Variants in ADAMTS13 observed in about 807,000 individuals in gnomAD.
The protein encoded by ADAMTS13 is A disintegrin and metalloproteinase with thrombospondin motifs 13.
A neutral mutation model predicts 155.1 loss-of-function variants in ADAMTS13; 110 were observed. The observed-to-expected ratio is 0.71, with a 90% CI of 0.61 to 0.83. The LOEUF (loss-of-function observed/expected upper bound fraction) is 0.83. Among genes scored for constraint, ADAMTS13 ranks in the 40% least tolerant of loss-of-function variants. ADAMTS13 has a pLI of 0.00. For missense variants in ADAMTS13, 1,707 were observed against 1,891.7 expected, an observed-to-expected ratio of 0.90 and a Z score of 1.81; for synonymous variants, 758 against 756.4, an observed-to-expected ratio of 1.00 and a Z score of -0.03.
chr9:133,433,788 C>A, intron 11 of ADAMTS13, 84 bp downstream of exon 11: 1 of 1,515,396 alleles, frequency 6.6e-7, no homozygotes, highest in South Asian at 1.1e-5. Flanking sequence ...TGGTTCACAC[C>A]AGGACACATT....
At chr9:133,452,649 A>G (rs947949822) in intron 23 of ADAMTS13, among the ~76,000 whole-genome samples, 1 of 152,062 alleles carries the variant, frequency 6.6e-6, no homozygotes, top group African/African-American at 2.4e-5. Context: ...CCTGTTCTCT[A>G]CAGACCACCT....
At chr9:133,454,691 G>A in intron 24 of ADAMTS13, 72 bp downstream of exon 24, 1 of 1,499,820 alleles carries the variant, frequency 6.7e-7, no homozygotes, top group South Asian at 1.2e-5. Flanking sequence ...CATGTGTGAG[G>A]GAGTCTAGGA....
rs1841339737 is a variant in ADAMTS13, at chr9:133,437,682, G to A, written c.1436-67G>A. 3.1e-6 allele frequency: 5 copies of A among 1,598,900 alleles called. No homozygotes were observed. In the Admixed American group the frequency reaches 5.0e-5, roughly 16 times the overall value. On this transcript the variant is annotated intron_variant, in intron 12 of 28. Transcript: ENST00000355699. ...GCCCCAGATGCAAAGGATGAAGCTG[G>A]GTGGGGGCTGGGGGACTTGCCCCTC... is the stretch of plus-strand genomic sequence containing the variant.
chr9:133,417,402 G>T (rs587623131), upstream of ADAMTS13, among the ~76,000 whole-genome samples: 2 of 152,252 alleles, frequency 1.3e-5, no homozygotes, highest in African/African-American at 4.8e-5. Flanking sequence ...GTTTATCTTT[G>T]CTTTTTTGTA....
chr9:133,443,889 T>C (rs1170246969), intron 19 of ADAMTS13, among the ~76,000 whole-genome samples: 1 of 151,922 alleles, frequency 6.6e-6, no homozygotes, highest in Non-Finnish European at 1.5e-5. Context: ...ATCACCACCA[T>C]CTCCCCCGTG....
Position 133,455,348 on chromosome 9 carries a change from C to T in ADAMTS13, c.3313C>T (p.Gln1105Ter). The change falls in exon 25 of 29, where the codon CAG becomes TAG. Residue 1105 changes from glutamine (Q) to a stop codon, truncating the protein, a stop_gained. Transcript: ENST00000355699. LOFTEE classifies it high-confidence loss of function. Reference protein sequence around the residue: ...RRDTCLGPQAQAPVPADFCQH... With the variant: ...RRDTCLGPQA ...TGACACCTGCCTCGGACCCCAGGCC[C>T]AGGCGCCTGTGCCAGCTGATTTCTG... The T allele has an allele frequency of 6.2e-7, 1 of 1,610,814 alleles. No individual in the cohort carries two copies. The highest frequency in any genetic ancestry group is 8.5e-7 in the Non-Finnish European group (1 of 1,179,980).
chr9:133,428,781 G>A lies in ADAMTS13; in HGVS notation c.824+10G>A. On this transcript the variant is annotated intron_variant, in intron 7 of 28. Transcript: ENST00000355699. Reference sequence around the variant, plus strand: ...TGCTGAGCCTGCTCAGGTAGCGGCCGCCCCGTGGGAGGGGCGCGCGAGCCT... The same window carrying A: ...TGCTGAGCCTGCTCAGGTAGCGGCCACCCCGTGGGAGGGGCGCGCGAGCCT... 4.6e-6 allele frequency: 6 copies of A among 1,312,832 alleles called. No individual in the cohort carries two copies. The highest frequency in any genetic ancestry group is 5.8e-6 in the Non-Finnish European group (6 of 1,028,854). 81.3% of individuals were successfully genotyped at this position (1,312,832 alleles called of 1,614,324 possible). A position where few individuals can be genotyped will look rare whatever the true frequency, so the allele number is the denominator to read the frequency against.
intron 27 of ADAMTS13, chr9:133,457,071 C>T: frequency 2.5e-6 from 1 of 407,590 alleles, no homozygotes; most frequent in South Asian, 2.0e-5. Flanking sequence ...GCCACTGTCC[C>T]TCAGCCCTGT....
At position 133,455,436 on chromosome 9, in the gene ADAMTS13, G is replaced by T. The variant is rs1842681076; in HGVS notation, c.3400+1G>T. On this transcript the variant is annotated splice_donor_variant, in intron 25 of 28. Coordinates refer to ENST00000355699, the MANE Select transcript of ADAMTS13 (RefSeq NM_139027.6). LOFTEE classifies it high-confidence loss of function. Reference sequence around the variant, plus strand: ...TGGGCTGGGCCCTGTGTGGGACAGGGTACGCCCAGCCTGGTGCCCCACGAA... The same window carrying T: ...TGGGCTGGGCCCTGTGTGGGACAGGTTACGCCCAGCCTGGTGCCCCACGAA... 1 of 1,612,440 alleles carries T rather than the reference G, an allele frequency of 6.2e-7. No individual in the cohort carries two copies.
intron 19 of ADAMTS13, among the ~76,000 whole-genome samples, 196 bp downstream of exon 19, chr9:133,443,757 C>T (rs1554791689): frequency 1.3e-5 from 2 of 152,148 alleles, no homozygotes; most frequent in Non-Finnish European, 1.5e-5. Flanking sequence ...AGAGCCTGGG[C>T]CCATTGTTTC....
rs1840156735 is a variant in ADAMTS13, at chr9:133,424,541, G to A, written c.330+63G>A. 10 of 1,567,966 alleles carry A rather than the reference G, an allele frequency of 6.4e-6. No homozygotes were observed. The highest frequency in any genetic ancestry group is 1.9e-5 in the Admixed American group (1 of 52,402). On this transcript the variant is annotated intron_variant, in intron 3 of 28. Coordinates refer to ENST00000355699, the MANE Select transcript of ADAMTS13 (RefSeq NM_139027.6). The surrounding 1 kb of genome is among the most constrained non-coding windows in gnomAD (Gnocchi z 4.3). ...CCAGGGCTGGTGACCAATGTCTGTGGGCTGGTGTATCTGGTAGTCTGAATA... is the reference window on the plus strand; with the variant it reads ...CCAGGGCTGGTGACCAATGTCTGTGAGCTGGTGTATCTGGTAGTCTGAATA...
rs1554796681 is a variant in ADAMTS13, at chr9:133,458,064, G to C, written c.3879G>C (p.Gly1293=). Residue 1293 remains glycine, a synonymous_variant, in exon 28 of 29, where the codon GGG becomes GGC. Transcript: ENST00000355699. ...CCCTGGCCACCAACATGGGCGCTGG[G>C]ACCGAGGGAGCCAATGCCAGCTACA... ...IHALATNMGA[G]TEGANASYIL... 23 of 1,613,298 alleles carry C rather than the reference G, an allele frequency of 1.4e-5. No individual in the cohort carries two copies. Among genetic ancestry groups the C allele is most frequent in the Non-Finnish European group, 1.9e-5 (23 of 1,180,040 alleles).
At position 133,445,142 on chromosome 9, in the gene ADAMTS13, G is replaced by A; in HGVS notation, c.2610+90G>A. ...GAGCACCCATTGCCACCGTCCTCCA[G>A]GCCAGAGCAAGAACACCATCCTTCT... On this transcript the variant is annotated intron_variant, in intron 20 of 28. Coordinates refer to ENST00000355699, the MANE Select transcript of ADAMTS13 (RefSeq NM_139027.6). This position sits in a 1 kb window ranked among gnomAD's most constrained non-coding sequence, Gnocchi z 5.0. 1 of 1,415,584 alleles carries A rather than the reference G, an allele frequency of 7.1e-7. No homozygotes were observed. 87.7% of individuals were successfully genotyped at this position (1,415,584 alleles called of 1,614,324 possible).
At position 133,425,956 on chromosome 9, in the gene ADAMTS13, G is replaced by A; in HGVS notation, c.433G>A (p.Ala145Thr). ...TEPEGAPNIT[A>T]NLTSSLLSVC... ...TCCGCAGGGTGCTCCAAATATCACA[G>A]CCAACCTCACCTCGTCCCTGCTGAG... is the stretch of plus-strand genomic sequence containing the variant. Residue 145 changes from alanine (A) to threonine (T), a missense_variant, in exon 5 of 29, where the codon GCC (alanine) becomes ACC (threonine). Physicochemically the swap from Ala to Thr is moderately conservative, Grantham distance 58 (BLOSUM62 0). Around this residue, in one of 3 missense-constraint regions of ADAMTS13, gnomAD observed 733 missense variants for 749.6 expected, o/e 0.98. Coordinates refer to ENST00000355699, the MANE Select transcript of ADAMTS13 (RefSeq NM_139027.6). This position sits in a 1 kb window ranked among gnomAD's most constrained non-coding sequence, Gnocchi z 4.6. 2 of 1,613,722 alleles carry A rather than the reference G, an allele frequency of 1.2e-6. No homozygotes were observed. The highest frequency in any genetic ancestry group is 1.1e-5 in the South Asian group (1 of 91,084).
In ADAMTS13 at chr9:133,422,433, C is replaced by T. The variant is rs782244801; in HGVS notation, c.-11C>T. On this transcript the variant is annotated 5_prime_UTR_variant, in exon 1 of 29. Transcript: ENST00000355699. ...CACTCCGCTCCACTCCTCGGGCTGG[C>T]TCTCCTGAGGATGCACCAGCGTCAC... 3 of 1,612,232 alleles carry T rather than the reference C, an allele frequency of 1.9e-6. No homozygotes were observed. Among genetic ancestry groups the T allele is most frequent in the Non-Finnish European group, 1.7e-6 (2 of 1,179,406 alleles).
chr9:133,456,397 G>T lies in ADAMTS13; in HGVS notation c.3548-146G>T. The T allele has an allele frequency of 1.5e-6, 2 of 1,371,108 alleles. No homozygotes were observed. The highest frequency in any genetic ancestry group is 2.6e-5 in the South Asian group (2 of 78,338). The allele number at this position is 1,371,108 out of a possible 1,614,324, so 84.9% of individuals were successfully genotyped here. On this transcript the variant is annotated intron_variant, in intron 26 of 28. Transcript: ENST00000355699. The surrounding 1 kb of genome is among the most constrained non-coding windows in gnomAD (Gnocchi z 4.4). ...AGATGAGGAAACTGAGGCTAGGAGA[G>T]ATTAAGTGATGTGCCCAGTTACTTA...
chr9:133,455,894 G>T (rs1842712765), intron 25 of ADAMTS13, 175 bp from the exon 26 acceptor site: 3 of 860,290 alleles, frequency 3.5e-6, no homozygotes, highest in Admixed American at 4.1e-5. Flanking sequence ...TGCCCTGAGG[G>T]TGATGCTCTG....
intron 6 of ADAMTS13, among the ~76,000 whole-genome samples, chr9:133,428,201 G>A (rs1473761869): frequency 6.6e-6 from 1 of 152,198 alleles, no homozygotes; most frequent in Non-Finnish European, 1.5e-5. Context: ...GGGCAAGCAC[G>A]TTTTAACTGA....
At chr9:133,434,083 G>A (rs982808468) in intron 11 of ADAMTS13, among the ~76,000 whole-genome samples, 1 of 151,468 alleles carries the variant, frequency 6.6e-6, no homozygotes, top group Non-Finnish European at 1.5e-5. Flanking sequence ...GCGACAGAGT[G>A]AGACTCTGTC....
Sources: allele counts gnomAD v4.1 joint callset (sites outside exome capture counted in the v4.1 genomes callset), GRCh38; gene constraint gnomAD v4.1.1; regional missense constraint gnomAD v4.1.1; non-coding constraint Gnocchi (gnomAD v3.1); transcripts MANE v1.5; gene names NCBI Gene and HGNC (gene_info 2026-07-23, HGNC 2026-07-21).